Variants in DLC1 observed in about 807,000 individuals in gnomAD.
The protein encoded by DLC1 is DLC1 Rho GTPase activating protein, also known as rho GTPase-activating protein 7.
In DLC1, 54 loss-of-function variants were observed where a neutral mutation model predicts 140.3. The ratio of observed to expected loss-of-function variants is 0.38; its 90% confidence interval spans 0.31 to 0.48. The LOEUF is 0.48. Ranked by LOEUF, DLC1 falls within the 20% of genes least tolerant of loss-of-function variation. The pLI, the probability that DLC1 is intolerant of heterozygous loss-of-function variation, is 0.96. For synonymous variants in DLC1, 986 were observed against 728.1 expected, an observed-to-expected ratio of 1.35 and a Z score of -5.70; for missense variants, 2,536 against 1,907.0, an observed-to-expected ratio of 1.33 and a Z score of -6.14.
intron 1 of DLC1, among the ~76,000 whole-genome samples, chr8:13,547,176 T>C (rs1318096518): frequency 6.6e-6 from 1 of 152,092 alleles, no homozygotes; most frequent in Non-Finnish European, 1.5e-5. Context: ...TGGGAAACAA[T>C]AGTATTTTCA....
chr8:13,171,067 G>A (rs1825443004), intron 5 of DLC1, among the ~76,000 whole-genome samples: 1 of 152,132 alleles, frequency 6.6e-6, no homozygotes, highest in South Asian at 2.1e-4. Context: ...GCTGAATCAG[G>A]GAGAGAAACT....
chr8:13,200,391 C>T (rs779670950), intron 5 of DLC1, among the ~76,000 whole-genome samples: 3 of 151,956 alleles, frequency 2.0e-5, no homozygotes, highest in Admixed American at 6.6e-5. Context: ...TCTTATTTTA[C>T]AGGTATGGAA....
At chr8:13,326,303 T>C (rs999104912) in intron 4 of DLC1, among the ~76,000 whole-genome samples, 2 of 152,188 alleles carry the variant, frequency 1.3e-5, no homozygotes, top group African/African-American at 4.8e-5. Flanking sequence ...TTTTTACTTA[T>C]GGAAGGGTTG....
chr8:13,419,631 A>T (rs1585076518), intron 2 of DLC1, among the ~76,000 whole-genome samples: 1 of 151,984 alleles, frequency 6.6e-6, no homozygotes, highest in Non-Finnish European at 1.5e-5. Flanking sequence ...TTTATTGAGG[A>T]TTTTTGCATC....
At chr8:13,090,497 G>T (rs939282365) in intron 14 of DLC1, 27 bp from the exon 15 acceptor site, 2 of 1,611,232 alleles carry the variant, frequency 1.2e-6, no homozygotes, top group African/African-American at 2.7e-5. Flanking sequence ...AGACAGAAAG[G>T]AGGTGAGTCC....
chr8:13,596,108 A>G (rs1805672084), intron 1 of DLC1, among the ~76,000 whole-genome samples: 1 of 152,072 alleles, frequency 6.6e-6, no homozygotes, highest in Non-Finnish European at 1.5e-5. Flanking sequence ...GATGAAAATG[A>G]TAAGAGTGAT....
intron 5 of DLC1, among the ~76,000 whole-genome samples, chr8:13,244,541 C>G (rs1022755043): frequency 6.6e-6 from 1 of 152,036 alleles, no homozygotes; most frequent in Admixed American, 6.6e-5. Context: ...TAAAGTGATC[C>G]TCCCACTTCA....
rs200802778 is a variant in DLC1 at position 13,099,647 on chromosome 8, A to G, written c.2690T>C (p.Leu897Pro). 1 of 1,614,062 alleles carries G rather than the reference A, an allele frequency of 6.2e-7. No homozygotes were observed. Among genetic ancestry groups the G allele is most frequent in the Non-Finnish European group, 8.5e-7 (1 of 1,180,032 alleles). ...LYSSSGDLADLENEDIFPELD... is the reference protein window; with the variant it reads ...LYSSSGDLADPENEDIFPELD... ...CTCGGGGAAGATGTCCTCGTTCTCCAGATCCGCCAGGTCCCCTGAACTGGA... is the reference window on the plus strand; with the variant it reads ...CTCGGGGAAGATGTCCTCGTTCTCCGGATCCGCCAGGTCCCCTGAACTGGA... The change falls in exon 9 of 18, where the codon CTG becomes CCG. Residue 897 changes from leucine (L) to proline (P), a missense_variant. By Grantham distance (98) the Leu-to-Pro change is moderately conservative (BLOSUM62 -3). Transcript: ENST00000276297.
intron 4 of DLC1, among the ~76,000 whole-genome samples, chr8:13,377,144 C>A (rs917437320): frequency 1.3e-5 from 2 of 152,074 alleles, no homozygotes; most frequent in Non-Finnish European, 2.9e-5. Flanking sequence ...GGTATCCACT[C>A]AGTTGTGAAT....
At chr8:13,226,065 G>A (rs1396959819) in intron 5 of DLC1, among the ~76,000 whole-genome samples, 2 of 151,934 alleles carry the variant, frequency 1.3e-5, no homozygotes, top group African/African-American at 4.8e-5. Flanking sequence ...GGCACATGTC[G>A]CCACACTTGG....
intron 5 of DLC1, among the ~76,000 whole-genome samples, chr8:13,262,692 CTGGG>C (rs1830512821): frequency 6.6e-6 from 1 of 152,172 alleles, no homozygotes; most frequent in Non-Finnish European, 1.5e-5. Flanking sequence ...TCCCAAGGTG[CTGGG>C]ATTACAGGCA....
Position 13,430,638 on chromosome 8 carries a change from C to G in DLC1, c.1024-29019G>C, listed in dbSNP as rs1023865. ...TTGAAAACATAGTTTCTCCATTGAA[C>G]AAAAAGATTGGAACATTTACCTGAA... is the stretch of plus-strand genomic sequence containing the variant. On this transcript the variant is annotated intron_variant, in intron 2 of 17. Coordinates refer to ENST00000276297, the MANE Select transcript of DLC1 (RefSeq NM_182643.3). Among the ~76,000 whole-genome samples the G allele has an allele frequency of 2.6e-5, 4 of 152,038 alleles. No homozygotes were observed. In the South Asian group the frequency reaches 8.3e-4, roughly 32 times the overall value.
intron 5 of DLC1, among the ~76,000 whole-genome samples, chr8:13,299,373 AG>A (rs1472588314): frequency 6.6e-6 from 1 of 150,946 alleles, no homozygotes; most frequent in African/African-American, 2.4e-5. Context: ...GCATGAACCC[AG>A]GAGTTGGAGG....
At chr8:13,560,292 T>G (rs1428588164) in intron 1 of DLC1, among the ~76,000 whole-genome samples, 1 of 152,172 alleles carries the variant, frequency 6.6e-6, no homozygotes, top group Non-Finnish European at 1.5e-5. Flanking sequence ...AAAAAAACTT[T>G]CACTTATTTT....
intron 5 of DLC1, among the ~76,000 whole-genome samples, chr8:13,196,627 C>T (rs1827075786): frequency 6.6e-6 from 1 of 152,202 alleles, no homozygotes; most frequent in Non-Finnish European, 1.5e-5. Context: ...TCAGGTCTTA[C>T]AGTTCCTCTG....
chr8:13,139,687 C>T (rs1297149582), intron 5 of DLC1, among the ~76,000 whole-genome samples: 3 of 152,230 alleles, frequency 2.0e-5, no homozygotes, highest in Non-Finnish European at 4.4e-5. Flanking sequence ...AGCTCAAGGC[C>T]TCCCTGCCAG....
At chr8:13,222,471 T>G (rs1383056139) in intron 5 of DLC1, among the ~76,000 whole-genome samples, 1 of 152,182 alleles carries the variant, frequency 6.6e-6, no homozygotes, top group Non-Finnish European at 1.5e-5. Context: ...CATATTATGT[T>G]TTTTTCTTTT....
chr8:13,473,117 G>C (rs1269405505), intron 2 of DLC1, among the ~76,000 whole-genome samples: 2 of 152,186 alleles, frequency 1.3e-5, no homozygotes, highest in Admixed American at 6.5e-5. Flanking sequence ...TTGATGTGCA[G>C]GAAGAGACAC....
chr8:13,107,932 GC>G (rs1398549244), intron 7 of DLC1, among the ~76,000 whole-genome samples: 2 of 152,224 alleles, frequency 1.3e-5, no homozygotes, highest in Admixed American at 6.5e-5. Context: ...TGTAATCCCA[GC>G]TATTCAGGGG....
Sources: allele counts gnomAD v4.1 joint callset (sites outside exome capture counted in the v4.1 genomes callset), GRCh38; gene constraint gnomAD v4.1.1; transcripts MANE v1.5; gene names NCBI Gene and HGNC (gene_info 2026-07-23, HGNC 2026-07-21).